SLC9C2: variants seen among roughly 807,000 people sequenced by gnomAD.
SLC9C2 encodes sodium/hydrogen exchanger 11.
SLC9C2 carries 75 observed loss-of-function variants against 140.2 expected under a neutral mutation model. The observed-to-expected ratio is 0.53, with a 90% CI of 0.44 to 0.65. The LOEUF (loss-of-function observed/expected upper bound fraction) is 0.65. SLC9C2 is among the 30% of genes least tolerant of loss of function. SLC9C2 has a pLI of 0.00. For missense variants in SLC9C2, 1,074 were observed against 1,331.8 expected (o/e 0.81, Z 3.01); for synonymous variants, 375 against 420.9 (o/e 0.89, Z 1.34).
At chr1:173,531,332 A>C (rs1430763031) in intron 17 of SLC9C2, among the ~76,000 whole-genome samples, 1 of 152,196 alleles carries the variant, frequency 6.6e-6, no homozygotes, top group African/African-American at 2.4e-5. Context: ...TGGTTTTTGT[A>C]AAGTCCCTAA....
chr1:173,590,058 C>T (rs1415861197), intron 4 of SLC9C2, among the ~76,000 whole-genome samples: 1 of 152,106 alleles, frequency 6.6e-6, no homozygotes, highest in Non-Finnish European at 1.5e-5. Context: ...GCCTGGCCAA[C>T]ATGGTGAAAC....
At position 173,533,832 on chromosome 1, in the gene SLC9C2, A is replaced by T. The variant is rs1374982082; in HGVS notation, c.1975-35T>A. On this transcript the variant is annotated intron_variant, in intron 16 of 27. Coordinates refer to ENST00000367714, the MANE Select transcript of SLC9C2 (RefSeq NM_178527.4). ...AAACAAATGTCATTTCATAGCACCT[A>T]TACAGTAATGTTGGGGGGAAGAAAT... 3 of 1,541,722 alleles carry T rather than the reference A, an allele frequency of 1.9e-6. No individual in the cohort carries two copies. In the African/African-American group the frequency reaches 4.2e-5, roughly 22 times the overall value.
intron 9 of SLC9C2, 101 bp from the exon 10 acceptor site, chr1:173,557,609 C>T (rs1558064446): frequency 1.7e-6 from 2 of 1,155,070 alleles, no homozygotes; most frequent in Non-Finnish European, 2.4e-6. Context: ...TAAAAATTTT[C>T]GGGAAAGAAA....
At chr1:173,599,991 A>G (rs972997351) in intron 3 of SLC9C2, 126 bp downstream of exon 3, 27 of 549,586 alleles carry the variant, frequency 4.9e-5, no homozygotes, top group Non-Finnish European at 7.6e-5. Context: ...TTTTAATACC[A>G]GATAAAATTT....
Position 173,517,527 on chromosome 1 carries a change from A to G in SLC9C2, c.2907+10T>C. The G allele has an allele frequency of 1.3e-6, 2 of 1,586,586 alleles. No individual in the cohort carries two copies. Among genetic ancestry groups the G allele is most frequent in the Non-Finnish European group, 1.7e-6 (2 of 1,170,856 alleles). On this transcript the variant is annotated intron_variant, in intron 23 of 27. Coordinates refer to ENST00000367714, the MANE Select transcript of SLC9C2 (RefSeq NM_178527.4). ...ATAATTAATAACTCATGACAGAACCATTTTCCTACCTGTAAACTAGTTTCA... is the reference window on the plus strand; with the variant it reads ...ATAATTAATAACTCATGACAGAACCGTTTTCCTACCTGTAAACTAGTTTCA...
chr1:173,507,090 G>A (rs773536953), intron 24 of SLC9C2, 49 bp from the exon 25 acceptor site: 3 of 1,383,420 alleles, frequency 2.2e-6, no homozygotes, highest in Admixed American at 2.3e-5. Context: ...ACTGACAGAT[G>A]GTATCAAGAA....
intron 13 of SLC9C2, among the ~76,000 whole-genome samples, chr1:173,541,927 C>T (rs1237182599): frequency 1.3e-5 from 2 of 152,062 alleles, no homozygotes; most frequent in Non-Finnish European, 2.9e-5. Flanking sequence ...AAAATCAATA[C>T]CCTAACATCA....
rs1662951187 is a variant in SLC9C2, at chr1:173,547,689, C to A, written c.1557G>T (p.Met519Ile). 6.2e-7 allele frequency: 1 copy of A among 1,607,302 alleles called. No homozygotes were observed. Among genetic ancestry groups the A allele is most frequent in the Non-Finnish European group, 8.5e-7 (1 of 1,174,552 alleles). ...EARLHVAAIQ[M>I]SSFEKQRNNG... ...AAAACATTATGTGAACAGCACCAACCATTTGTATTGCAGCTACATGCAATC... is the reference window on the plus strand; with the variant it reads ...AAAACATTATGTGAACAGCACCAACAATTTGTATTGCAGCTACATGCAATC... Residue 519 changes from methionine to isoleucine, a missense_variant and splice_region_variant, in exon 13 of 28, where the codon ATG becomes ATT. By Grantham distance (10) the Met-to-Ile change is conservative. Transcript: ENST00000367714.
chr1:173,572,878 G>T (rs898657), intron 9 of SLC9C2, among the ~76,000 whole-genome samples: 34,861 of 152,140 alleles, frequency 0.23, 5,213 homozygotes, highest in East Asian at 0.64. Flanking sequence ...TGAAGAGCAT[G>T]TTAAAACTAT....
chr1:173,548,250 A>G lies in SLC9C2; in HGVS notation c.1461+139T>C, dbSNP rs1030704552. 5.8e-6 allele frequency: 5 copies of G among 864,392 alleles called. No individual in the cohort carries two copies. In the African/African-American group the frequency reaches 7.0e-5, roughly 12 times the overall value. The allele number at this position is 864,392 out of a possible 1,614,324, so 53.5% of individuals were successfully genotyped here. A position where few individuals can be genotyped will look rare whatever the true frequency, so the allele number is the denominator to read the frequency against. Reference sequence around the variant, plus strand: ...ACAGAATTCAAACTCATTTCACCAAAATAGCAAAGCCAGTAACTATCTCCC... The same window carrying G: ...ACAGAATTCAAACTCATTTCACCAAGATAGCAAAGCCAGTAACTATCTCCC... On this transcript the variant is annotated intron_variant, in intron 12 of 27. Coordinates refer to ENST00000367714, the MANE Select transcript of SLC9C2 (RefSeq NM_178527.4).
chr1:173,600,853 T>G lies in SLC9C2; in HGVS notation c.128-636A>C, dbSNP rs1020274102. Among the ~76,000 whole-genome samples, 17 of 152,232 alleles carry G rather than the reference T, an allele frequency of 1.1e-4. 1 individual carries two copies. Among genetic ancestry groups the G allele is most frequent in the Admixed American group, 8.5e-4 (13 of 15,282 alleles). ...ATTCCCAAAGAAAGCAATTTCACTC[T>G]TTGATACAATGGGTAAAATTGAAGG... On this transcript the variant is annotated intron_variant, in intron 2 of 27. Coordinates refer to ENST00000367714, the MANE Select transcript of SLC9C2 (RefSeq NM_178527.4).
intron 9 of SLC9C2, among the ~76,000 whole-genome samples, chr1:173,565,836 A>T (rs1664435012): frequency 6.6e-6 from 1 of 152,186 alleles, no homozygotes; most frequent in Non-Finnish European, 1.5e-5. Flanking sequence ...CTTCCAATTC[A>T]TGAACGTGGA....
intron 3 of SLC9C2, among the ~76,000 whole-genome samples, chr1:173,599,523 C>G (rs943877170): frequency 6.6e-5 from 10 of 151,612 alleles, no homozygotes; most frequent in African/African-American, 1.2e-4. Context: ...TACAGGCGCC[C>G]GCCACAACAC....
rs1660513794 is a variant in SLC9C2, at chr1:173,517,655, T to A, written c.2789A>T (p.Asp930Val). The change falls in exon 23 of 28, where the codon GAT (aspartate) becomes GTT (valine). Residue 930 changes from aspartate to valine, a missense_variant. Coordinates refer to ENST00000367714, the MANE Select transcript of SLC9C2 (RefSeq NM_178527.4). ...TFGIESNQRCDRGSRDMFTEF... is the reference protein window; with the variant it reads ...TFGIESNQRCVRGSRDMFTEF... ...TGTAAACATGTCTCTGGACCCTCTA[T>A]CACACCTTTGATTACTCTCTATTCC... The A allele has an allele frequency of 1.9e-6, 3 of 1,613,736 alleles. No individual in the cohort carries two copies. Among genetic ancestry groups the A allele is most frequent in the African/African-American group, 2.7e-5 (2 of 74,868 alleles).
intron 4 of SLC9C2, among the ~76,000 whole-genome samples, chr1:173,593,159 C>T (rs1666262581): frequency 6.6e-6 from 1 of 152,138 alleles, no homozygotes; most frequent in South Asian, 2.1e-4. Context: ...TACTATAAAG[C>T]AACCTCACAA....
At chr1:173,535,619 A>T (rs1015869248) in intron 15 of SLC9C2, among the ~76,000 whole-genome samples, 1 of 152,134 alleles carries the variant, frequency 6.6e-6, no homozygotes, top group Non-Finnish European at 1.5e-5. Context: ...AAATATGAAC[A>T]TCCTTTTTCC....
chr1:173,524,403 G>A (rs1218173004), intron 20 of SLC9C2, among the ~76,000 whole-genome samples: 1 of 152,102 alleles, frequency 6.6e-6, no homozygotes, highest in African/African-American at 2.4e-5. Flanking sequence ...TGCCATAGAG[G>A]GCAACCCTGA....
At chr1:173,559,184 T>C (rs140656484) in intron 9 of SLC9C2, among the ~76,000 whole-genome samples, 1 of 152,330 alleles carries the variant, frequency 6.6e-6, no homozygotes, top group East Asian at 1.9e-4. Context: ...TCTTTTCTAG[T>C]TTAAAGATTC....
chr1:173,504,010 C>T (rs181068691), intron 26 of SLC9C2, among the ~76,000 whole-genome samples: 2 of 152,308 alleles, frequency 1.3e-5, no homozygotes, highest in East Asian at 1.9e-4. Flanking sequence ...CTCAATAGCC[C>T]TTCTTAGGGT....
Sources: allele counts gnomAD v4.1 joint callset (sites outside exome capture counted in the v4.1 genomes callset), GRCh38; gene constraint gnomAD v4.1.1; transcripts MANE v1.5; gene names NCBI Gene and HGNC (gene_info 2026-07-23, HGNC 2026-07-21).